Variants in ACSS3 observed in about 807,000 individuals in gnomAD.
The protein encoded by ACSS3 is acyl-CoA synthetase short-chain family member 3, mitochondrial.
In ACSS3, 64 loss-of-function variants were observed where a neutral mutation model predicts 84.2. The ratio of observed to expected loss-of-function variants is 0.76; its 90% CI spans 0.62 to 0.94. The LOEUF (loss-of-function observed/expected upper bound fraction) is 0.94. Ranked by LOEUF, ACSS3 falls within the 40% of genes least tolerant of loss-of-function variation. ACSS3 has a pLI of 0.00. For missense variants in ACSS3, 815 were observed against 867.6 expected, an observed-to-expected ratio of 0.94 and a Z score of 0.76; for synonymous variants, 317 against 310.1, an observed-to-expected ratio of 1.02 and a Z score of -0.23.
intron 8 of ACSS3, among the ~76,000 whole-genome samples, chr12:81,179,026 A>G (rs1186512185): frequency 6.6e-6 from 1 of 152,108 alleles, no homozygotes; most frequent in Admixed American, 6.5e-5. Flanking sequence ...GACAAACTTA[A>G]CAATAACAAG....
At chr12:81,169,436 A>G (rs1005753642) in intron 7 of ACSS3, among the ~76,000 whole-genome samples, 2 of 152,142 alleles carry the variant, frequency 1.3e-5, no homozygotes, top group Non-Finnish European at 2.9e-5. Context: ...GGGCATTGAG[A>G]AAGAAAAGGC....
intron 8 of ACSS3, among the ~76,000 whole-genome samples, chr12:81,175,689 T>A (rs1025999014): frequency 6.6e-6 from 1 of 152,140 alleles, no homozygotes; most frequent in East Asian, 1.9e-4. Context: ...TAGAGATTAA[T>A]ATCAAGAAGC....
chr12:81,252,155 T>C lies in ACSS3; in HGVS notation c.1720-1152T>C, dbSNP rs185919858. On this transcript the variant is annotated intron_variant, in intron 13 of 15. Coordinates refer to ENST00000548058, the MANE Select transcript of ACSS3 (RefSeq NM_024560.4). ...TCTACTCATCCTTCAGATCTACTCA[T>C]TGTTATTTCCTAAAGAAAAAGTTTT... Among the ~76,000 whole-genome samples the C allele has an allele frequency of 3.4e-3, 523 of 152,246 alleles. 4 individuals are homozygous for C. Among genetic ancestry groups the C allele is most frequent in the Middle Eastern group, 0.031 (9 of 294 alleles).
intron 5 of ACSS3, among the ~76,000 whole-genome samples, chr12:81,150,939 C>A (rs945765116): frequency 6.6e-6 from 1 of 152,184 alleles, no homozygotes; most frequent in Non-Finnish European, 1.5e-5. Flanking sequence ...CTTCAAAATA[C>A]ATGTGAATGG....
chr12:81,245,511 G>A (rs1164045083), intron 13 of ACSS3, among the ~76,000 whole-genome samples: 1 of 152,088 alleles, frequency 6.6e-6, no homozygotes, highest in Non-Finnish European at 1.5e-5. Context: ...GCTGGAATTG[G>A]ATATTTCCTT....
chr12:81,089,481 G>A (rs530664852), intron 1 of ACSS3, among the ~76,000 whole-genome samples: 37 of 152,026 alleles, frequency 2.4e-4, no homozygotes, highest in African/African-American at 8.4e-4. Context: ...AGGTCAATGA[G>A]TTGTGTCTCT....
intron 2 of ACSS3, among the ~76,000 whole-genome samples, chr12:81,133,980 T>C (rs1481926501): frequency 1.2e-4 from 4 of 33,122 alleles, no homozygotes; most frequent in Non-Finnish European, 1.0e-3. Context: ...AATTTTATCA[T>C]GTGTGGCTTA....
At chr12:81,108,647 C>T (rs1464559378) in intron 1 of ACSS3, among the ~76,000 whole-genome samples, 4 of 152,142 alleles carry the variant, frequency 2.6e-5, no homozygotes, top group Admixed American at 6.6e-5. Flanking sequence ...TCATTTCACA[C>T]AGGGCTCTTT....
chr12:81,129,757 T>G (rs1489413071), intron 2 of ACSS3, among the ~76,000 whole-genome samples: 1 of 151,866 alleles, frequency 6.6e-6, no homozygotes, highest in African/African-American at 2.4e-5. Flanking sequence ...GTATTTCTCT[T>G]AATGCTATCC....
At chr12:81,147,820 T>A (rs1886412371) in intron 5 of ACSS3, among the ~76,000 whole-genome samples, 2 of 151,956 alleles carry the variant, frequency 1.3e-5, no homozygotes, top group South Asian at 4.2e-4. Flanking sequence ...TTCCTTCAAA[T>A]AAAATTTATT....
chr12:81,136,237 A>G (rs900411650), intron 3 of ACSS3, among the ~76,000 whole-genome samples: 11 of 152,284 alleles, frequency 7.2e-5, no homozygotes, highest in East Asian at 1.9e-4. Context: ...ACTATTATTA[A>G]TCTATGAATT....
intron 8 of ACSS3, among the ~76,000 whole-genome samples, chr12:81,179,613 A>G (rs1425076543): frequency 6.6e-6 from 1 of 151,826 alleles, no homozygotes; most frequent in Non-Finnish European, 1.5e-5. Flanking sequence ...TACTGAAAAT[A>G]TAAAAAATTA....
intron 7 of ACSS3, among the ~76,000 whole-genome samples, chr12:81,168,056 A>G (rs1466269779): frequency 6.6e-6 from 1 of 152,236 alleles, no homozygotes; most frequent in Admixed American, 6.5e-5. Flanking sequence ...GTGATTCCAT[A>G]TGATTAAAGT....
intron 2 of ACSS3, among the ~76,000 whole-genome samples, chr12:81,127,571 T>C (rs2121549687): frequency 6.6e-6 from 1 of 152,312 alleles, no homozygotes; most frequent in African/African-American, 2.4e-5. Context: ...AATTCATTTA[T>C]CCATACTTTT....
At chr12:81,215,791 G>C (rs1409739914) in intron 9 of ACSS3, among the ~76,000 whole-genome samples, 1 of 152,148 alleles carries the variant, frequency 6.6e-6, no homozygotes, top group Non-Finnish European at 1.5e-5. Context: ...TTTTATGAAT[G>C]TTAATAAGTG....
chr12:81,082,971 A>G (rs889042271), intron 1 of ACSS3, among the ~76,000 whole-genome samples: 6 of 152,214 alleles, frequency 3.9e-5, no homozygotes, highest in African/African-American at 1.4e-4. Flanking sequence ...ATGTGGTCCA[A>G]TAAGTTTTGA....
chr12:81,179,761 A>AGGGC (rs2030791081), intron 8 of ACSS3, among the ~76,000 whole-genome samples: 1 of 91,316 alleles, frequency 1.1e-5, no homozygotes, highest in African/African-American at 3.6e-5. Flanking sequence ...CCTGGGTGAC[A>AGGGC]GAGCGAGACT....
chr12:81,219,539 A>G (rs2033032824), intron 10 of ACSS3, among the ~76,000 whole-genome samples: 1 of 152,116 alleles, frequency 6.6e-6, no homozygotes, highest in South Asian at 2.1e-4. Flanking sequence ...AATATTTGGG[A>G]AGATTAAATT....
At chr12:81,253,025 C>G (rs992767256) in intron 13 of ACSS3, among the ~76,000 whole-genome samples, 1 of 152,138 alleles carries the variant, frequency 6.6e-6, no homozygotes, top group African/African-American at 2.4e-5. Flanking sequence ...ACAAAGAAAC[C>G]ATTTCCTTAC....
Sources: gnomAD v4.1 joint callset for allele counts (sites outside exome capture counted in the v4.1 genomes callset) on GRCh38, gnomAD v4.1.1 for gene constraint, MANE v1.5 for transcripts, NCBI Gene and HGNC (gene_info 2026-07-23, HGNC 2026-07-21) for gene names.